ARL15: variants seen among roughly 807,000 people sequenced by gnomAD.
The protein encoded by ARL15 is ADP-ribosylation factor-like protein 15.
Under a neutral mutation model 25.2 loss-of-function variants are expected in ARL15, and 19 were observed. The observed-to-expected ratio is 0.75, with a 90% CI of 0.53 to 1.10. The LOEUF (loss-of-function observed/expected upper bound fraction) is 1.10. Ranked by LOEUF, ARL15 falls within the 50% of genes least tolerant of loss-of-function variation. ARL15 has a pLI of 0.00. For missense variants in ARL15, 220 were observed against 246.0 expected (o/e 0.89, Z 0.71); for synonymous variants, 94 against 86.8 (o/e 1.08, Z -0.46).
Position 54,088,691 on chromosome 5 carries a change from T to C in ARL15, c.462+24511A>G, listed in dbSNP as rs6866593. ...AGACAGAAAGCTTCCTGAGGGCAGC[T>C]ATAATTTGTTGTTTACATGGAGGCC... On this transcript the variant is annotated intron_variant, in intron 4 of 4. Transcript: ENST00000504924. 3.0e-3 allele frequency among the ~76,000 whole-genome samples: 459 copies of C among 151,052 alleles called. 2 individuals carry two copies. Among genetic ancestry groups the C allele is most frequent in the African/African-American group, 0.011 (437 of 41,288 alleles).
intron 4 of ARL15, among the ~76,000 whole-genome samples, chr5:53,946,501 T>A (rs905364594): frequency 3.2e-5 from 4 of 125,834 alleles, no homozygotes; most frequent in Admixed American, 3.1e-4. Context: ...AGCCAGATTA[T>A]AGAATCTTTC....
chr5:54,166,404 T>C (rs891191758), intron 2 of ARL15, among the ~76,000 whole-genome samples: 1 of 152,054 alleles, frequency 6.6e-6, no homozygotes, highest in Non-Finnish European at 1.5e-5. Flanking sequence ...TCTTACTATG[T>C]TGCCCAAGCT....
At chr5:54,299,544 G>A (rs1312491058) in intron 1 of ARL15, among the ~76,000 whole-genome samples, 4 of 142,332 alleles carry the variant, frequency 2.8e-5, no homozygotes, top group African/African-American at 7.7e-5. Flanking sequence ...TAATAATATA[G>A]TATAGTATAC....
At chr5:54,204,072 A>C (rs1755796293) in intron 1 of ARL15, among the ~76,000 whole-genome samples, 3 of 152,152 alleles carry the variant, frequency 2.0e-5, no homozygotes, top group Non-Finnish European at 4.4e-5. Flanking sequence ...GCTGCTACCT[A>C]AACAACTTTG....
intron 1 of ARL15, among the ~76,000 whole-genome samples, chr5:54,204,883 G>A (rs1388746846): frequency 6.6e-6 from 1 of 151,038 alleles, no homozygotes; most frequent in African/African-American, 2.4e-5. Flanking sequence ...AGTACCTGGA[G>A]GAATGTATAG....
At chr5:54,172,005 GAGTA>G (rs1033207565) in intron 1 of ARL15, 77 bp from the exon 2 acceptor site, 2 of 1,520,408 alleles carry the variant, frequency 1.3e-6, no homozygotes, top group African/African-American at 2.7e-5. Flanking sequence ...TAAAATGACT[GAGTA>G]AGTATTAAGA....
At chr5:53,910,674 A>ATATAT (rs1374904754) in intron 4 of ARL15, among the ~76,000 whole-genome samples, 10 of 87,750 alleles carry the variant, frequency 1.1e-4, no homozygotes, top group African/African-American at 4.7e-4. Flanking sequence ...TATATATATA[A>ATATAT]AGAAAACGTC....
At chr5:54,088,323 T>C (rs1204758922) in intron 4 of ARL15, among the ~76,000 whole-genome samples, 3 of 152,188 alleles carry the variant, frequency 2.0e-5, no homozygotes, top group Non-Finnish European at 4.4e-5. Flanking sequence ...AACTGGGCTA[T>C]ACGTATGTGA....
At chr5:54,139,803 G>A (rs1413490320) in intron 3 of ARL15, among the ~76,000 whole-genome samples, 1 of 152,112 alleles carries the variant, frequency 6.6e-6, no homozygotes, top group African/African-American at 2.4e-5. Context: ...CTGCACTCCA[G>A]CCTGGGCAAC....
intron 1 of ARL15, among the ~76,000 whole-genome samples, chr5:54,284,153 GAGTAC>G (rs1178844684): frequency 6.6e-6 from 1 of 152,166 alleles, no homozygotes; most frequent in East Asian, 1.9e-4. Context: ...GCCCAGGCTG[GAGTAC>G]AGTGGTGCAA....
intron 2 of ARL15, among the ~76,000 whole-genome samples, chr5:54,156,444 T>C (rs915965454): frequency 3.3e-5 from 5 of 152,260 alleles, no homozygotes; most frequent in Non-Finnish European, 7.3e-5. Context: ...CATAAGCATA[T>C]AATATACGAT....
At position 53,884,851 on chromosome 5, in the gene ARL15, A is replaced by G. The variant is rs1226010135; in HGVS notation, c.*1710T>C. On this transcript the variant is annotated 3_prime_UTR_variant, in exon 5 of 5. Coordinates refer to ENST00000504924, the MANE Select transcript of ARL15 (RefSeq NM_019087.3). ...GACAAAATAAAAACAGGAATTGTGT[A>G]ACTGGTCATCGGAATAAAAGTTTTG... The G allele has an allele frequency of 6.6e-6, 1 of 152,622 alleles. No homozygotes were observed. 9.5% of individuals were successfully genotyped at this position (152,622 alleles called of 1,614,324 possible). A position where few individuals can be genotyped will look rare whatever the true frequency, so the allele number is the denominator to read the frequency against.
intron 1 of ARL15, among the ~76,000 whole-genome samples, chr5:54,223,853 C>T (rs1313860027): frequency 6.6e-6 from 1 of 151,944 alleles, no homozygotes; most frequent in Admixed American, 6.6e-5. Flanking sequence ...ATGAGAGCGC[C>T]GGGGTTGGGA....
chr5:54,158,902 C>T (rs2112361442), intron 2 of ARL15, among the ~76,000 whole-genome samples: 1 of 151,118 alleles, frequency 6.6e-6, no homozygotes, highest in Middle Eastern at 3.4e-3. Flanking sequence ...ATATTCGAAA[C>T]TTAAAACCAG....
chr5:54,029,444 T>G (rs1375499082), intron 4 of ARL15, among the ~76,000 whole-genome samples: 1 of 147,946 alleles, frequency 6.8e-6, no homozygotes, highest in Non-Finnish European at 1.5e-5. Context: ...AATCTCAATT[T>G]GCAAGTATTA....
intron 4 of ARL15, among the ~76,000 whole-genome samples, chr5:54,107,833 T>C (rs1049118533): frequency 3.9e-5 from 6 of 152,176 alleles, no homozygotes; most frequent in African/African-American, 1.2e-4. Flanking sequence ...ATTTGCTTGA[T>C]AAAATGGACA....
At chr5:54,227,063 A>T (rs3846495) in intron 1 of ARL15, among the ~76,000 whole-genome samples, 35,888 of 152,174 alleles carry the variant, frequency 0.24, 4,908 homozygotes, top group Non-Finnish European at 0.3. Context: ...TGGAACTGTG[A>T]GTCAATTAAA....
chr5:54,247,809 G>A (rs1757130393), intron 1 of ARL15, among the ~76,000 whole-genome samples: 1 of 151,970 alleles, frequency 6.6e-6, no homozygotes, highest in African/African-American at 2.4e-5. Flanking sequence ...ATGCTTGTCA[G>A]GTTGGGCAGT....
At chr5:54,063,486 C>G (rs1405352110) in intron 4 of ARL15, among the ~76,000 whole-genome samples, 2 of 152,112 alleles carry the variant, frequency 1.3e-5, no homozygotes, top group South Asian at 2.1e-4. Flanking sequence ...AGCAGTAAAC[C>G]CAAAGATTTA....
Sources: gnomAD v4.1 joint callset for allele counts (sites outside exome capture counted in the v4.1 genomes callset) on GRCh38, gnomAD v4.1.1 for gene constraint, MANE v1.5 for transcripts, NCBI Gene and HGNC (gene_info 2026-07-23, HGNC 2026-07-21) for gene names.